The following MYO5A variants were observed in gnomAD, a reference collection of about 807,000 sequenced individuals.
MYO5A encodes the protein unconventional myosin-Va.
MYO5A carries 98 observed loss-of-function variants against 249.7 expected under a neutral mutation model. The ratio of observed to expected loss-of-function variants is 0.39; its 90% CI spans 0.33 to 0.46. MYO5A has a LOEUF of 0.46. Ranked by LOEUF, MYO5A falls within the 20% of genes least tolerant of loss-of-function variation. MYO5A has a pLI of 0.98. For synonymous variants in MYO5A, 778 were observed against 810.6 expected, an observed-to-expected ratio of 0.96 and a Z score of 0.68; for missense variants, 1,696 against 2,308.8, an observed-to-expected ratio of 0.73 and a Z score of 5.44.
chr15:52,332,284 G>T (rs769509693), intron 34 of MYO5A, among the ~76,000 whole-genome samples: 1 of 152,016 alleles, frequency 6.6e-6, no homozygotes, highest in African/African-American at 2.4e-5. Flanking sequence ...TGATGCTATC[G>T]GTTATGAAAT....
rs754458039 is a variant in MYO5A, at chr15:52,372,367, C to A, written c.2578-4G>T. The stretch of plus-strand genomic sequence containing the variant: ...CTGCTTTGTGCTCACGGAGTATCTG[C>A]AGAAAAGGATAAGGGCAAGCAATGT... On this transcript the variant is annotated splice_region_variant and splice_polypyrimidine_tract_variant and intron_variant, in intron 20 of 41. Coordinates refer to ENST00000399233, the MANE Select transcript of MYO5A (RefSeq NM_001382347.1). 1.2e-6 allele frequency: 2 copies of A among 1,600,410 alleles called. No homozygotes were observed. Among genetic ancestry groups the A allele is most frequent in the African/African-American group, 2.7e-5 (2 of 74,868 alleles).
At chr15:52,387,793 T>G (rs1005573113) in intron 14 of MYO5A, 36 bp downstream of exon 14, 1 of 1,422,554 alleles carries the variant, frequency 7.0e-7, no homozygotes, top group African/African-American at 1.4e-5. Context: ...ATGCTTTGCA[T>G]ACATCCTGGA....
At chr15:52,525,527 T>C (rs943549864) in intron 1 of MYO5A, among the ~76,000 whole-genome samples, 3 of 152,206 alleles carry the variant, frequency 2.0e-5, no homozygotes, top group African/African-American at 7.2e-5. Flanking sequence ...CTGATCTGTA[T>C]CACACATTAA....
chr15:52,385,795 T>C (rs1302232828), intron 14 of MYO5A, among the ~76,000 whole-genome samples: 1 of 152,180 alleles, frequency 6.6e-6, no homozygotes, highest in Non-Finnish European at 1.5e-5. Flanking sequence ...AATTATGAAG[T>C]TGATACTCCT....
At chr15:52,488,258 T>C (rs2076865494) in intron 1 of MYO5A, among the ~76,000 whole-genome samples, 1 of 152,172 alleles carries the variant, frequency 6.6e-6, no homozygotes, top group Non-Finnish European at 1.5e-5. Flanking sequence ...CCTGTGAGTT[T>C]TCATTCTGAG....
At chr15:52,357,481 TG>T (rs1261287178) in intron 25 of MYO5A, among the ~76,000 whole-genome samples, 2 of 148,424 alleles carry the variant, frequency 1.3e-5, no homozygotes, top group Non-Finnish European at 3.0e-5. Flanking sequence ...AAAAATGTGA[TG>T]GGTTAACTCT....
chr15:52,369,040 A>C (rs554793573), intron 22 of MYO5A, among the ~76,000 whole-genome samples: 21 of 152,338 alleles, frequency 1.4e-4, no homozygotes, highest in African/African-American at 3.8e-4. Context: ...TTGCTGTATC[A>C]AAACAACATT....
At chr15:52,323,799 T>C in intron 36 of MYO5A, 2 of 302,372 alleles carry the variant, frequency 6.6e-6, no homozygotes, top group East Asian at 8.5e-5. Context: ...GGGTCAGGAG[T>C]TGGAGACCAG....
At chr15:52,515,131 T>G (rs1486693651) in intron 1 of MYO5A, among the ~76,000 whole-genome samples, 2 of 151,740 alleles carry the variant, frequency 1.3e-5, no homozygotes, top group African/African-American at 2.4e-5. Context: ...AAAAATTAGC[T>G]GGGTGTGGTG....
At chr15:52,318,626 C>T (rs903671497) in intron 39 of MYO5A, among the ~76,000 whole-genome samples, 1 of 151,944 alleles carries the variant, frequency 6.6e-6, no homozygotes, top group Non-Finnish European at 1.5e-5. Context: ...GCCATAGGTA[C>T]AAAAAGGTAT....
At chr15:52,340,435 C>A in intron 31 of MYO5A, 41 bp from the exon 32 acceptor site, 1 of 1,585,660 alleles carries the variant, frequency 6.3e-7, no homozygotes, top group Non-Finnish European at 8.6e-7. Flanking sequence ...AGACGACACC[C>A]CGAGTTGCTG....
intron 24 of MYO5A, among the ~76,000 whole-genome samples, chr15:52,361,091 G>A (rs1270560660): frequency 6.6e-6 from 1 of 152,126 alleles, no homozygotes; most frequent in East Asian, 1.9e-4. Context: ...AGTCTCCCAG[G>A]CCAACCCAAC....
At chr15:52,470,458 C>A (rs2076438237) in intron 1 of MYO5A, among the ~76,000 whole-genome samples, 1 of 151,232 alleles carries the variant, frequency 6.6e-6, no homozygotes, top group Non-Finnish European at 1.5e-5. Flanking sequence ...TCGAGAACAC[C>A]CGGACCAACA....
intron 1 of MYO5A, among the ~76,000 whole-genome samples, chr15:52,525,410 A>C (rs2141675366): frequency 6.6e-6 from 1 of 152,358 alleles, no homozygotes; most frequent in Non-Finnish European, 1.5e-5. Context: ...ATACTGCTGG[A>C]AAAACTTACA....
chr15:52,314,685 A>G (rs1235423088), intron 40 of MYO5A, among the ~76,000 whole-genome samples: 1 of 150,126 alleles, frequency 6.7e-6, no homozygotes, highest in Non-Finnish European at 1.5e-5. Flanking sequence ...TTTTTAAATC[A>G]TATTTTTATA....
In MYO5A at chr15:52,436,423, G is replaced by C. The variant is rs185060720; in HGVS notation, c.28-3138C>G. On this transcript the variant is annotated intron_variant, in intron 1 of 41. Transcript: ENST00000399233. ...AGCCCTCTATAATGTACTTCTCCCAGATCTGCTTATGTCTGCCTCCTTCTC... is the reference window on the plus strand; with the variant it reads ...AGCCCTCTATAATGTACTTCTCCCACATCTGCTTATGTCTGCCTCCTTCTC... Among the ~76,000 whole-genome samples the C allele has an allele frequency of 4.2e-3, 647 of 152,304 alleles. 3 individuals are homozygous for C. The highest frequency in any genetic ancestry group is 7.4e-3 in the Non-Finnish European group (501 of 68,026).
chr15:52,374,304 G>A (rs2041286729), intron 20 of MYO5A, among the ~76,000 whole-genome samples: 1 of 152,172 alleles, frequency 6.6e-6, no homozygotes, highest in Admixed American at 6.5e-5. Flanking sequence ...GTTATAATTT[G>A]CCTCCTCTTC....
chr15:52,361,982 A>T (rs2040552948), intron 24 of MYO5A, among the ~76,000 whole-genome samples: 3 of 152,150 alleles, frequency 2.0e-5, no homozygotes. Context: ...ATTTATCTTT[A>T]AACACTTCAT....
intron 5 of MYO5A, among the ~76,000 whole-genome samples, chr15:52,411,015 A>C (rs1335926796): frequency 6.6e-6 from 1 of 152,250 alleles, no homozygotes; most frequent in Non-Finnish European, 1.5e-5. Flanking sequence ...TTTCAGAAAC[A>C]GCAGACCTGA....
Sources: allele counts gnomAD v4.1 joint callset (sites outside exome capture counted in the v4.1 genomes callset), GRCh38; gene constraint gnomAD v4.1.1; transcripts MANE v1.5; gene names NCBI Gene and HGNC (gene_info 2026-07-23, HGNC 2026-07-21).